Variants in ANKRD28 observed in about 807,000 individuals in gnomAD.
ANKRD28 encodes the protein ankyrin repeat domain 28, also known as serine/threonine-protein phosphatase 6 regulatory ankyrin repeat subunit A.
In ANKRD28, 44 loss-of-function variants were observed where a neutral mutation model predicts 126.5. The observed-to-expected ratio is 0.35, with a 90% CI of 0.27 to 0.45. The LOEUF is 0.45. ANKRD28 is among the 20% of genes least tolerant of loss of function. The pLI, the probability that ANKRD28 is intolerant of heterozygous loss-of-function variation, is 1.00. For missense variants in ANKRD28, 1,110 were observed against 1,316.6 expected, an observed-to-expected ratio of 0.84 and a Z score of 2.43; for synonymous variants, 442 against 468.5, an observed-to-expected ratio of 0.94 and a Z score of 0.73.
At chr3:15,747,415 A>C (rs1189758872) in intron 4 of ANKRD28, among the ~76,000 whole-genome samples, 1 of 152,164 alleles carries the variant, frequency 6.6e-6, no homozygotes, top group Non-Finnish European at 1.5e-5. Context: ...GTTCAGTTCA[A>C]AGAATTTTTC....
chr3:15,682,353 G>C (rs1225699304), intron 21 of ANKRD28, among the ~76,000 whole-genome samples: 2 of 152,068 alleles, frequency 1.3e-5, no homozygotes, highest in Admixed American at 6.5e-5. Context: ...TCTGAGTACA[G>C]ACTGAGAAAA....
chr3:15,679,425 G>A (rs1256380768), intron 22 of ANKRD28, 41 bp from the exon 23 acceptor site: 1 of 1,612,398 alleles, frequency 6.2e-7, no homozygotes, highest in Non-Finnish European at 8.5e-7. Context: ...CAGCAATGGT[G>A]TATTTCTTAA....
chr3:15,858,038 A>T (rs2061812722), intron 1 of ANKRD28, among the ~76,000 whole-genome samples: 1 of 152,238 alleles, frequency 6.6e-6, no homozygotes, highest in Non-Finnish European at 1.5e-5. Flanking sequence ...TTTACCTGCT[A>T]TTCTCTAACA....
At position 15,672,172 on chromosome 3, in the gene ANKRD28, G is replaced by T. The variant is rs562851464; in HGVS notation, c.2966-1616C>A. ...TTTTTTTTTTTTTTTTTGAGACAGG[G>T]TCTTGTTCTGTCACCCAGGCTGGAG... On this transcript the variant is annotated intron_variant, in intron 27 of 27. Transcript: ENST00000683139. Among the ~76,000 whole-genome samples, 605 of 149,586 alleles carry T rather than the reference G, an allele frequency of 4.0e-3. 1 individual carries two copies. The highest frequency in any genetic ancestry group is 0.023 in the East Asian group (116 of 5,136).
chr3:15,850,253 AG>A lies in ANKRD28; in HGVS notation c.27+9123del, dbSNP rs1559598416. 1.8e-3 allele frequency among the ~76,000 whole-genome samples: 250 copies of A among 141,962 alleles called. 6 individuals are homozygous for A. The highest frequency in any genetic ancestry group is 4.7e-3 in the African/African-American group (183 of 39,128). 93.1% of individuals were successfully genotyped at this position (141,962 alleles called of 152,430 possible). On this transcript the variant is annotated intron_variant, in intron 1 of 27. Coordinates refer to the ANKRD28 transcript ENST00000399451. ...GAGAGAGAGAGAGAGAGAGAGAGAG[AG>A]AGAGAGAGAAAGTTGAAATCCTACC...
chr3:15,719,972 A>G (rs1300829575), intron 8 of ANKRD28, among the ~76,000 whole-genome samples: 1 of 152,050 alleles, frequency 6.6e-6, no homozygotes, highest in Non-Finnish European at 1.5e-5. Context: ...CAAGGCTCAA[A>G]AATCCTCCCA....
chr3:15,837,895 A>C lies in ANKRD28; in HGVS notation c.27+21482T>G, dbSNP rs1332466313. On this transcript the variant is annotated intron_variant, in intron 1 of 27. Transcript: ENST00000399451. ...ACAAACCTTTAATTAAGCTAACCAG[A>C]AAAAAAAAAAAAAAATGAAGATACT... is the stretch of plus-strand genomic sequence containing the variant. Among the ~76,000 whole-genome samples the C allele has an allele frequency of 2.8e-5, 3 of 105,482 alleles. No individual in the cohort carries two copies. The East Asian group carries it at 3.4e-3, about 119-fold the overall frequency. The allele number at this position is 105,482 out of a possible 152,430, so 69.2% of individuals were successfully genotyped here.
intron 1 of ANKRD28, among the ~76,000 whole-genome samples, chr3:15,850,259 A>AGAGAGAGG (rs1370551633): frequency 3.0e-4 from 35 of 115,782 alleles, no homozygotes; most frequent in Non-Finnish European, 4.9e-4. Context: ...AGAGAGAGAG[A>AGAGAGAGG]GAGAAAGTTG....
intron 2 of ANKRD28, among the ~76,000 whole-genome samples, chr3:15,787,826 TA>T (rs1244499076): frequency 6.6e-6 from 1 of 152,190 alleles, no homozygotes; most frequent in Non-Finnish European, 1.5e-5. Context: ...GTGAAAAATG[TA>T]AAATGAACAT....
intron 4 of ANKRD28, among the ~76,000 whole-genome samples, chr3:15,745,467 G>C (rs984233987): frequency 1.8e-4 from 28 of 152,182 alleles, no homozygotes; most frequent in Non-Finnish European, 3.5e-4. Flanking sequence ...TTGTTGAACA[G>C]GGTGTCCTTT....
chr3:15,828,369 G>T (rs1472132911), intron 1 of ANKRD28, among the ~76,000 whole-genome samples: 1 of 152,022 alleles, frequency 6.6e-6, no homozygotes, highest in Non-Finnish European at 1.5e-5. Flanking sequence ...TGGGAGGTGG[G>T]CAGAAACATG....
At chr3:15,706,450 T>C (rs1157224852) in intron 14 of ANKRD28, among the ~76,000 whole-genome samples, 2 of 152,222 alleles carry the variant, frequency 1.3e-5, no homozygotes, top group African/African-American at 2.4e-5. Context: ...TAGTATTCCA[T>C]GATGTATATG....
At chr3:15,723,938 T>TA (rs961877706) in intron 7 of ANKRD28, among the ~76,000 whole-genome samples, 1 of 152,214 alleles carries the variant, frequency 6.6e-6, no homozygotes, top group Non-Finnish European at 1.5e-5. Flanking sequence ...AAGGAATACT[T>TA]ACACTTGGTG....
Position 15,839,020 on chromosome 3 carries a change from A to T in ANKRD28, c.27+20357T>A, listed in dbSNP as rs2061380018. On this transcript the variant is annotated intron_variant, in intron 1 of 27. Transcript: ENST00000399451. The surrounding 1 kb of genome is among the most constrained non-coding windows in gnomAD (Gnocchi z 4.3). ...AAAGCCAGACAAAAAATGATCACGT[A>T]TCATATGACTCCACTTATATAAAAT... 6.6e-6 allele frequency among the ~76,000 whole-genome samples: 1 copy of T among 152,206 alleles called. No individual in the cohort carries two copies. Among genetic ancestry groups the T allele is most frequent in the African/African-American group, 2.4e-5 (1 of 41,456 alleles).
At position 15,795,261 on chromosome 3, in the gene ANKRD28, G is replaced by C; in HGVS notation, c.163C>G (p.Arg55Gly). 6.2e-7 allele frequency: 1 copy of C among 1,612,710 alleles called. No individual in the cohort carries two copies. The highest frequency in any genetic ancestry group is 8.5e-7 in the Non-Finnish European group (1 of 1,179,004). The stretch of plus-strand genomic sequence containing the variant: ...TCTTCTTTCTTAAATATTAGTGCTC[G>C]AACTTCATCAGGATCTCCGTTAAAT... ...AIFNGDPDEV[R>G]ALIFKKEDVN... The change falls in exon 2 of 28, where the codon CGA (arginine) becomes GGA (glycine). Residue 55 changes from arginine (R) to glycine (G), a missense_variant. Coordinates refer to ENST00000683139, the MANE Select transcript of ANKRD28 (RefSeq NM_001349278.2).
At chr3:15,702,920 T>C (rs2070824995) in intron 14 of ANKRD28, among the ~76,000 whole-genome samples, 1 of 151,782 alleles carries the variant, frequency 6.6e-6, no homozygotes, top group Admixed American at 6.6e-5. Flanking sequence ...ACAATTCATA[T>C]ATACTAAACC....
At chr3:15,800,519 T>G (rs138189831), upstream of ANKRD28, among the ~76,000 whole-genome samples, 11 of 152,232 alleles carry the variant, frequency 7.2e-5, no homozygotes, top group East Asian at 2.1e-3. Context: ...GCTATTAAAC[T>G]CCTCCTCCTC....
Position 15,795,204 on chromosome 3 carries a change from A to T in ANKRD28, c.201+19T>A. The T allele has an allele frequency of 6.6e-7, 1 of 1,518,494 alleles. No homozygotes were observed. The highest frequency in any genetic ancestry group is 9.1e-7 in the Non-Finnish European group (1 of 1,094,656). 94.1% of individuals were successfully genotyped at this position (1,518,494 alleles called of 1,614,324 possible). A position where few individuals can be genotyped will look rare whatever the true frequency, so the allele number is the denominator to read the frequency against. ...AAAAGCAGTTTTAAAGGCTGGCATC[A>T]GTGAATTAACTGTTTTACCTGAAAG... On this transcript the variant is annotated intron_variant, in intron 2 of 27. Coordinates refer to ENST00000683139, the MANE Select transcript of ANKRD28 (RefSeq NM_001349278.2).
Position 15,678,397 on chromosome 3 carries a change from T to A in ANKRD28, c.2562-43A>T, listed in dbSNP as rs752537862. 83 of 1,535,192 alleles carry A rather than the reference T, an allele frequency of 5.4e-5. 2 individuals carry two copies. In the South Asian group the frequency reaches 9.5e-4, roughly 17 times the overall value. On this transcript the variant is annotated intron_variant, in intron 23 of 27. Coordinates refer to ENST00000683139, the MANE Select transcript of ANKRD28 (RefSeq NM_001349278.2). ...TGAAATATATGACTAAATTTGAATG[T>A]TATATATGCTGGAAAAATATTCTTT...
Sources: allele counts gnomAD v4.1 joint callset (sites outside exome capture counted in the v4.1 genomes callset), GRCh38; gene constraint gnomAD v4.1.1; non-coding constraint Gnocchi (gnomAD v3.1); transcripts MANE v1.5; gene names NCBI Gene and HGNC (gene_info 2026-07-23, HGNC 2026-07-21).